The following ATOSA variants were observed in gnomAD, a reference collection of about 807,000 sequenced individuals.
The protein encoded by ATOSA is atos homolog protein A.
chr15:52,704,464 A>G, the ATOSA span, among the ~76,000 whole-genome samples: 2 of 152,336 alleles, frequency 1.3e-5, no homozygotes, highest in African/African-American at 4.8e-5. Flanking sequence ...TTAACGACTA[A>G]AACACCAAAA....
chr15:52,622,190 C>T, the ATOSA span, among the ~76,000 whole-genome samples: 2 of 152,208 alleles, frequency 1.3e-5, no homozygotes, highest in Non-Finnish European at 1.5e-5. Context: ...TTTATACTGG[C>T]ATTTGTGAAG....
At chr15:52,701,539 A>C in the ATOSA span, among the ~76,000 whole-genome samples, 2 of 152,234 alleles carry the variant, frequency 1.3e-5, no homozygotes, top group African/African-American at 2.4e-5. Flanking sequence ...TTTAGAAAGG[A>C]TAAATTAGAT....
chr15:52,650,228 C>G, the ATOSA span, among the ~76,000 whole-genome samples: 1 of 152,150 alleles, frequency 6.6e-6, no homozygotes, highest in African/African-American at 2.4e-5. Flanking sequence ...AACTCCCTTT[C>G]ATACCCCTAC....
At chr15:52,591,691 A>G in the ATOSA span, among the ~76,000 whole-genome samples, 1 of 152,190 alleles carries the variant, frequency 6.6e-6, no homozygotes, top group East Asian at 1.9e-4. Flanking sequence ...TTCGAGTATA[A>G]TATGCATTTA....
At chr15:52,697,957 A>ATTTTTTTTGTTTTTTTTTTTTTTTTTTT in the ATOSA span, among the ~76,000 whole-genome samples, 1 of 44,736 alleles carries the variant, frequency 2.2e-5, no homozygotes, top group Non-Finnish European at 4.0e-5. Flanking sequence ...GGGATGTAGA[A>ATTTTTTTTGTTTTTTTTTTTTTTTTTTT]TTTTTTTTTT....
At chr15:52,669,062 C>T in the ATOSA span, among the ~76,000 whole-genome samples, 654 of 152,044 alleles carry the variant, frequency 4.3e-3, 2 homozygotes, top group Non-Finnish European at 7.6e-3. Flanking sequence ...AGATTACAGG[C>T]GCCTGCCACC....
the ATOSA span, among the ~76,000 whole-genome samples, chr15:52,683,592 A>G: frequency 5.3e-5 from 8 of 152,258 alleles, no homozygotes; most frequent in Non-Finnish European, 1.2e-4. Context: ...CACTTAAGTC[A>G]TAAGCACTAT....
chr15:52,681,763 C>T, the ATOSA span, among the ~76,000 whole-genome samples: 2 of 152,158 alleles, frequency 1.3e-5, no homozygotes, highest in African/African-American at 2.4e-5. Context: ...GTTAACTCAT[C>T]TTCAGCAACT....
At chr15:52,648,989 C>T in the ATOSA span, among the ~76,000 whole-genome samples, 1 of 152,066 alleles carries the variant, frequency 6.6e-6, no homozygotes, top group Non-Finnish European at 1.5e-5. Flanking sequence ...ACTTTTATAA[C>T]TGAGCCTCAT....
At chr15:52,645,663 AATTTC>A in the ATOSA span, among the ~76,000 whole-genome samples, 1 of 152,166 alleles carries the variant, frequency 6.6e-6, no homozygotes, top group Non-Finnish European at 1.5e-5. Context: ...AATCCTATTC[AATTTC>A]ATTTCTCTGT....
the ATOSA span, among the ~76,000 whole-genome samples, chr15:52,653,731 T>C: frequency 2.0e-5 from 3 of 152,228 alleles, no homozygotes; most frequent in African/African-American, 7.2e-5. Context: ...TAACACTTAC[T>C]GCACAGAATG....
chr15:52,626,234 G>A, the ATOSA span, among the ~76,000 whole-genome samples: 20 of 152,138 alleles, frequency 1.3e-4, no homozygotes, highest in Non-Finnish European at 2.1e-4. Flanking sequence ...ACATGAATTC[G>A]GACAGTTACT....
chr15:52,662,961 G>A, the ATOSA span, among the ~76,000 whole-genome samples: 24 of 152,120 alleles, frequency 1.6e-4, no homozygotes, highest in East Asian at 5.8e-4. Flanking sequence ...TTATAACAGC[G>A]GGCGATAATG....
chr15:52,608,698 G>T, the ATOSA span: 1 of 1,612,388 alleles, frequency 6.2e-7, no homozygotes, highest in South Asian at 1.1e-5. Context: ...TAATTGGTCT[G>T]ACTTTTTACA....
the ATOSA span, chr15:52,656,477 C>T: frequency 3.9e-5 from 6 of 152,166 alleles, no homozygotes; most frequent in East Asian, 1.2e-3. Flanking sequence ...GAGTTAAACA[C>T]ATTCTTAAAA....
At chr15:52,690,017 T>G in the ATOSA span, among the ~76,000 whole-genome samples, 1 of 152,238 alleles carries the variant, frequency 6.6e-6, no homozygotes, top group Admixed American at 6.5e-5. Context: ...TGTTAAGATT[T>G]TTTTGTGTTC....
At chr15:52,696,125 G>A in the ATOSA span, among the ~76,000 whole-genome samples, 1 of 152,130 alleles carries the variant, frequency 6.6e-6, no homozygotes, top group African/African-American at 2.4e-5. Flanking sequence ...TTAGGTGATA[G>A]TGGGGCAAGG....
the ATOSA span, among the ~76,000 whole-genome samples, chr15:52,674,951 G>A: frequency 3.3e-5 from 5 of 151,672 alleles, no homozygotes; most frequent in African/African-American, 4.8e-5. Context: ...TGCCAAGCAC[G>A]GTCATATTTC....
chr15:52,659,007 T>C, the ATOSA span, among the ~76,000 whole-genome samples: 4 of 151,570 alleles, frequency 2.6e-5, no homozygotes, highest in African/African-American at 9.7e-5. Flanking sequence ...AAGAAAGGGA[T>C]AGTAGAGTGT....
Sources: allele counts gnomAD v4.1 joint callset (sites outside exome capture counted in the v4.1 genomes callset), GRCh38; gene constraint gnomAD v4.1.1; transcripts MANE v1.5; gene names NCBI Gene and HGNC (gene_info 2026-07-23, HGNC 2026-07-21).